Variants in EXOSC5 observed in about 807,000 individuals in gnomAD.
EXOSC5 encodes exosome complex component RRP46.
A neutral mutation model predicts 23.7 loss-of-function variants in EXOSC5; 15 were observed. That is an observed-to-expected ratio of 0.63 (90% CI 0.42 to 0.97). EXOSC5 has a LOEUF of 0.97. EXOSC5 is among the 50% of genes least tolerant of loss of function. The pLI is 0.00. For synonymous variants in EXOSC5, 143 were observed against 140.9 expected, an observed-to-expected ratio of 1.02 and a Z score of -0.11; for missense variants, 305 against 316.3, an observed-to-expected ratio of 0.96 and a Z score of 0.27.
intron 1 of EXOSC5, 73 bp from the exon 2 acceptor site, chr19:41,393,053 G>A (rs902649329): frequency 7.9e-7 from 1 of 1,260,674 alleles, no homozygotes; most frequent in Admixed American, 1.7e-5. Flanking sequence ...CACTGAGCCT[G>A]ACGGCCAGGG....
chr19:41,397,193 A>G lies in EXOSC5; in HGVS notation c.136T>C (p.Ser46Pro), dbSNP rs781236327. ...GTGAAGTTCTTACCTTGCAGGAAGG[A>G]AGCAGAGCCATCTGGCCGCGACAGC... The part of the protein sequence containing the change: ...NLLSRPDGSA[S>P]FLQGDTSVLA... The change falls in exon 1 of 6, where the codon TCC (serine) becomes CCC (proline). Residue 46 changes from serine to proline, a missense_variant. Physicochemically the swap from Ser to Pro is moderately conservative, Grantham distance 74. Transcript: ENST00000221233. The G allele has an allele frequency of 1.1e-5, 18 of 1,614,070 alleles. No individual in the cohort carries two copies. In the South Asian group the frequency reaches 2.0e-4, roughly 18 times the overall value.
At chr19:41,389,384 G>A (rs556010447) in intron 4 of EXOSC5, among the ~76,000 whole-genome samples, 2 of 152,338 alleles carry the variant, frequency 1.3e-5, no homozygotes, top group East Asian at 1.9e-4. Flanking sequence ...TCCTGCCTCA[G>A]CCTCCTGAGT....
intron 3 of EXOSC5, 36 bp from the exon 4 acceptor site, chr19:41,389,941 T>G: frequency 6.4e-7 from 1 of 1,561,392 alleles, no homozygotes; most frequent in Non-Finnish European, 8.6e-7. Context: ...TTTCTTTTTT[T>G]TTTTTTTGGA....
intron 1 of EXOSC5, among the ~76,000 whole-genome samples, chr19:41,393,636 C>T (rs1023492810): frequency 5.9e-5 from 9 of 151,690 alleles, no homozygotes; most frequent in Non-Finnish European, 1.3e-4. Context: ...CTCGGCTCAC[C>T]GCAACCTCTG....
chr19:41,391,330 T>C (rs2039021241), intron 3 of EXOSC5, among the ~76,000 whole-genome samples: 1 of 152,162 alleles, frequency 6.6e-6, no homozygotes, highest in Admixed American at 6.5e-5. Context: ...ATTGCACCAC[T>C]GCATCCAGCC....
At chr19:41,396,826 T>C (rs976043361) in intron 1 of EXOSC5, among the ~76,000 whole-genome samples, 2 of 92,572 alleles carry the variant, frequency 2.2e-5, no homozygotes, top group Non-Finnish European at 3.9e-5. Flanking sequence ...TGCAAGGACC[T>C]AGAGGGTGTG....
intron 4 of EXOSC5, among the ~76,000 whole-genome samples, chr19:41,389,503 G>T (rs2039007400): frequency 6.6e-6 from 1 of 152,196 alleles, no homozygotes; most frequent in African/African-American, 2.4e-5. Flanking sequence ...GACCTCAGGT[G>T]ATCCACCCAC....
chr19:41,388,875 T>C (rs2039002967), intron 4 of EXOSC5, among the ~76,000 whole-genome samples: 4 of 152,126 alleles, frequency 2.6e-5, no homozygotes, highest in Admixed American at 2.6e-4. Context: ...CCAGAAAGAA[T>C]GAAGCTGATG....
chr19:41,397,303 G>C lies in EXOSC5; in HGVS notation c.26C>G (p.Ala9Gly). The C allele has an allele frequency of 6.2e-7, 1 of 1,613,876 alleles. No homozygotes were observed. Among genetic ancestry groups the C allele is most frequent in the South Asian group, 1.1e-5 (1 of 91,072 alleles). Residue 9 changes from alanine (A) to glycine (G), a missense_variant, in exon 1 of 6, where the codon GCC (alanine) becomes GGC (glycine). Coordinates refer to ENST00000221233, the MANE Select transcript of EXOSC5 (RefSeq NM_020158.4). MEEETHTD[A>G]KIRAENGTGS... ...TGTTCCATTTTCAGCACGGATTTTG[G>C]CGTCAGTATGCGTCTCCTCCTCCAT...
At chr19:41,389,631 G>C in intron 4 of EXOSC5, 134 bp downstream of exon 4, 1 of 1,287,794 alleles carries the variant, frequency 7.8e-7, no homozygotes, top group Non-Finnish European at 1.1e-6. Context: ...AATGAACCAT[G>C]ATGATTAGAG....
At chr19:41,393,101 C>A in intron 1 of EXOSC5, 121 bp from the exon 2 acceptor site, 2 of 694,566 alleles carry the variant, frequency 2.9e-6, no homozygotes, top group East Asian at 2.6e-5. Context: ...GGTACTGATT[C>A]TTTGAGCACT....
Position 41,387,601 on chromosome 19 carries a change from C to T in EXOSC5, c.528G>A (p.Glu176=). 6.3e-7 allele frequency: 1 copy of T among 1,593,818 alleles called. No individual in the cohort carries two copies. The highest frequency in any genetic ancestry group is 8.5e-7 in the Non-Finnish European group (1 of 1,171,524). The change falls in exon 5 of 6, where the codon GAG becomes GAA. Residue 176 remains glutamate (E), a splice_region_variant and synonymous_variant. Transcript: ENST00000221233. ...VLDPTSKQEK[E]ARAVLTFALD... ...GGGCAAAGGTCAGGACTGCCCGGGC[C>T]TCCTAGGGACAAGGGGTAGAAGGCG...
chr19:41,386,600 G>C lies in EXOSC5; in HGVS notation c.*33C>G, dbSNP rs144175057. 390 of 1,552,160 alleles carry C rather than the reference G, an allele frequency of 2.5e-4. 2 individuals carry two copies. In the African/African-American group the frequency reaches 4.7e-3, roughly 19 times the overall value. On this transcript the variant is annotated 3_prime_UTR_variant, in exon 6 of 6. Transcript: ENST00000221233. The stretch of plus-strand genomic sequence containing the variant: ...AGGCTGTAGGGGGTGAGTGGGTGGA[G>C]GCAATGGGAGCGGCCCCTTGCCCCA...
intron 1 of EXOSC5, among the ~76,000 whole-genome samples, chr19:41,396,069 A>G (rs1460172532): frequency 6.6e-6 from 1 of 151,946 alleles, no homozygotes; most frequent in African/African-American, 2.4e-5. Context: ...CATACTCCCC[A>G]CAATCAACAC....
At chr19:41,392,336 C>A (rs575168791) in intron 2 of EXOSC5, among the ~76,000 whole-genome samples, 58 of 152,300 alleles carry the variant, frequency 3.8e-4, no homozygotes, top group African/African-American at 1.3e-3. Context: ...AATCCCAACA[C>A]TTTGGGGGGC....
intron 3 of EXOSC5, among the ~76,000 whole-genome samples, chr19:41,391,386 C>G (rs2039021741): frequency 6.6e-6 from 1 of 152,000 alleles, no homozygotes; most frequent in Admixed American, 6.6e-5. Context: ...CAAAAAAACC[C>G]AAAAAACAAA....
chr19:41,390,122 G>A (rs1230312275), intron 3 of EXOSC5, among the ~76,000 whole-genome samples: 2 of 152,076 alleles, frequency 1.3e-5, no homozygotes, highest in East Asian at 3.9e-4. Flanking sequence ...TAGTAGAGAT[G>A]GGGTTTCACT....
intron 4 of EXOSC5, among the ~76,000 whole-genome samples, chr19:41,388,105 C>T (rs1178081141): frequency 6.6e-6 from 1 of 152,252 alleles, no homozygotes; most frequent in Non-Finnish European, 1.5e-5. Context: ...CCCTTCCCTA[C>T]TTCCCTGGGT....
chr19:41,393,447 TAGAG>T (rs886124979), intron 1 of EXOSC5, among the ~76,000 whole-genome samples: 3 of 152,088 alleles, frequency 2.0e-5, no homozygotes, highest in Non-Finnish European at 4.4e-5. Flanking sequence ...ATATTTTTAG[TAGAG>T]AGGGGATTTT....
Sources: allele counts gnomAD v4.1 joint callset (sites outside exome capture counted in the v4.1 genomes callset), GRCh38; gene constraint gnomAD v4.1.1; transcripts MANE v1.5; gene names NCBI Gene and HGNC (gene_info 2026-07-23, HGNC 2026-07-21).